The following AHNAK variants were observed in gnomAD, a reference collection of about 807,000 sequenced individuals.
The protein encoded by AHNAK is AHNAK nucleoprotein, also known as neuroblast differentiation-associated protein AHNAK.
Under a neutral mutation model 37.8 loss-of-function variants are expected in AHNAK, and 23 were observed. The observed-to-expected ratio is 0.61, with a 90% CI of 0.44 to 0.86. The LOEUF (loss-of-function observed/expected upper bound fraction) is 0.86. Among genes scored for constraint, AHNAK ranks in the 40% least tolerant of loss-of-function variants. The probability of loss-of-function intolerance (pLI) is 0.00; values close to 1 mark genes in which losing one functional copy is unlikely to be tolerated. For missense variants in AHNAK, 7,411 were observed against 7,319.4 expected (o/e 1.01, Z -0.46); for synonymous variants, 2,481 against 2,636.3 (o/e 0.94, Z 1.80).
Position 62,516,639 on chromosome 11 carries a change from G to C in AHNAK, c.*105C>G. 1 of 1,503,052 alleles carries C rather than the reference G, an allele frequency of 6.7e-7. No individual in the cohort carries two copies. Among genetic ancestry groups the C allele is most frequent in the Non-Finnish European group, 8.8e-7 (1 of 1,135,868 alleles). 93.1% of individuals were successfully genotyped at this position (1,503,052 alleles called of 1,614,324 possible). ...GGCCAGGCAAGGTCTTTGCATGATT[G>C]CTGAGGCAGTCGGTGTGTTTCCCTT... is the stretch of plus-strand genomic sequence containing the variant. On this transcript the variant is annotated 3_prime_UTR_variant, in exon 5 of 5. Transcript: ENST00000378024.
In AHNAK at chr11:62,518,975, C is replaced by A; in HGVS notation, c.15442G>T (p.Val5148Leu). 6.2e-7 allele frequency: 1 copy of A among 1,614,184 alleles called. No individual in the cohort carries two copies. Among genetic ancestry groups the A allele is most frequent in the East Asian group, 2.2e-5 (1 of 44,884 alleles). The change falls in exon 5 of 5, where the codon GTG (valine) becomes TTG (leucine). Residue 5148 changes from valine (V) to leucine (L), a missense_variant. By Grantham distance (32) the Val-to-Leu change is conservative. Coordinates refer to ENST00000378024, the MANE Select transcript of AHNAK (RefSeq NM_001620.3). Reference protein sequence around the residue: ...AKAPKVKMPDVDISVPKIEGD... With the variant: ...AKAPKVKMPDLDISVPKIEGD... ...TCTATTTTTGGCACTGAGATGTCCA[C>A]ATCTGGCATCTTGACCTTGGGAGCC...
At position 62,521,848 on chromosome 11, in the gene AHNAK, T is replaced by C; in HGVS notation, c.12569A>G (p.Lys4190Arg). The change falls in exon 5 of 5, where the codon AAA becomes AGA. Residue 4190 changes from lysine to arginine, a missense_variant. Transcript: ENST00000378024. Reference protein sequence around the residue: ...QGPDWHLKMPKVKMPKFSMPG... With the variant: ...QGPDWHLKMPRVKMPKFSMPG... ...CATGCTGAACTTGGGCATTTTCACT[T>C]TGGGCATTTTTAAGTGCCAGTCTGG... is the stretch of plus-strand genomic sequence containing the variant. 1 of 1,612,630 alleles carries C rather than the reference T, an allele frequency of 6.2e-7. No homozygotes were observed. Among genetic ancestry groups the C allele is most frequent in the Non-Finnish European group, 8.5e-7 (1 of 1,179,752 alleles).
In AHNAK at chr11:62,527,709, G is replaced by T. The variant is rs1470338102; in HGVS notation, c.6708C>A (p.Gly2236=). 2 of 1,613,866 alleles carry T rather than the reference G, an allele frequency of 1.2e-6. No individual in the cohort carries two copies. The highest frequency in any genetic ancestry group is 1.7e-6 in the Non-Finnish European group (2 of 1,180,018). The change falls in exon 5 of 5, where the codon GGC becomes GGA. Residue 2236 remains glycine (G), a synonymous_variant. Coordinates refer to ENST00000378024, the MANE Select transcript of AHNAK (RefSeq NM_001620.3). ...TAGGCATCTTCAGGTGCCAGTCTGGGCCATGAACATCCACATCTGGGGCAT... is the reference window on the plus strand; with the variant it reads ...TAGGCATCTTCAGGTGCCAGTCTGGTCCATGAACATCCACATCTGGGGCAT... ...DIDAPDVDVH[G]PDWHLKMPKM...
chr11:62,433,931 A>G (rs780802744), intron 5 of AHNAK: 6 of 1,604,884 alleles, frequency 3.7e-6, no homozygotes, highest in Middle Eastern at 1.7e-4. Context: ...TCAACACACT[A>G]TTTGCATCTC....
chr11:62,462,594 G>A (rs976099022), intron 5 of AHNAK, among the ~76,000 whole-genome samples: 2 of 152,150 alleles, frequency 1.3e-5, no homozygotes, highest in African/African-American at 2.4e-5. Context: ...GTTGATAAAC[G>A]GTAGATAGAT....
Position 62,529,436 on chromosome 11 carries a change from G to C in AHNAK, c.4981C>G (p.His1661Asp), listed in dbSNP as rs1351668760. The C allele has an allele frequency of 2.5e-6, 4 of 1,613,336 alleles. No individual in the cohort carries two copies. The highest frequency in any genetic ancestry group is 2.7e-5 in the African/African-American group (2 of 74,768). The change falls in exon 5 of 5, where the codon CAC (histidine) becomes GAC (aspartate). Residue 1661 changes from histidine to aspartate, a missense_variant. By Grantham distance (81) the His-to-Asp change is moderately conservative. Transcript: ENST00000378024. ...CCTTTGACTTTGGGGCCTTTCAAGT[G>C]TAAGTCCACATCGGGCATGGAGATC... is the stretch of plus-strand genomic sequence containing the variant. ...PKISMPDVDLHLKGPKVKGDM... is the reference protein window; with the variant it reads ...PKISMPDVDLDLKGPKVKGDM...
At position 62,534,987 on chromosome 11, in the gene AHNAK, C is replaced by G. The variant is rs1385948393; in HGVS notation, c.342+16G>C. ...CGGGGGAGCTCAGGGCACAGATGGGCCGGCGAGGTACTCACCAGAACCACT... is the reference window on the plus strand; with the variant it reads ...CGGGGGAGCTCAGGGCACAGATGGGGCGGCGAGGTACTCACCAGAACCACT... On this transcript the variant is annotated intron_variant, in intron 4 of 4. Coordinates refer to ENST00000378024, the MANE Select transcript of AHNAK (RefSeq NM_001620.3). 3.1e-6 allele frequency: 5 copies of G among 1,593,360 alleles called. No homozygotes were observed. The highest frequency in any genetic ancestry group is 1.7e-5 in the Admixed American group (1 of 59,578).
chr11:62,480,632 G>T (rs931505174), intron 5 of AHNAK, among the ~76,000 whole-genome samples: 10 of 151,420 alleles, frequency 6.6e-5, no homozygotes, highest in Non-Finnish European at 1.5e-4. Context: ...TTGCACTCCA[G>T]CCTGGGTGAC....
rs1940764839 is a variant in AHNAK at position 62,531,893 on chromosome 11, T to C, written c.2524A>G (p.Lys842Glu). The C allele has an allele frequency of 6.2e-7, 1 of 1,612,526 alleles. No individual in the cohort carries two copies. The highest frequency in any genetic ancestry group is 1.7e-5 in the Admixed American group (1 of 59,786). ...GGAACTTTAATCTCACTTTCAACCT[T>C]TGGCATTGTGACATCATATTCTCCC... is the stretch of plus-strand genomic sequence containing the variant. Reference protein sequence around the residue: ...VKGEYDVTMPKVESEIKVPDV... With the variant: ...VKGEYDVTMPEVESEIKVPDV... The change falls in exon 5 of 5, where the codon AAG becomes GAG. Residue 842 changes from lysine to glutamate, a missense_variant. Lys to Glu is a moderately conservative substitution (Grantham distance 56). Coordinates refer to ENST00000378024, the MANE Select transcript of AHNAK (RefSeq NM_001620.3).
At chr11:62,536,815 C>T (rs1275619461) in intron 1 of AHNAK, among the ~76,000 whole-genome samples, 1 of 152,158 alleles carries the variant, frequency 6.6e-6, no homozygotes, top group Non-Finnish European at 1.5e-5. Flanking sequence ...GGCCAAGACA[C>T]TTCAGTTTTC....
Position 62,516,994 on chromosome 11 carries a change from A to C in AHNAK, c.17423T>G (p.Leu5808Arg). The change falls in exon 5 of 5, where the codon CTG (leucine) becomes CGG (arginine). Residue 5808 changes from leucine to arginine, a missense_variant. Coordinates refer to ENST00000378024, the MANE Select transcript of AHNAK (RefSeq NM_001620.3). ...TLEFEGGEVS[L>R]EGGKVKGKHG... ...TTTCCCTTTAACTTTCCCACCTTCCAGAGACACTTCCCCACCTTCAAACTC... is the reference window on the plus strand; with the variant it reads ...TTTCCCTTTAACTTTCCCACCTTCCCGAGACACTTCCCCACCTTCAAACTC... 1 of 1,614,210 alleles carries C rather than the reference A, an allele frequency of 6.2e-7. No homozygotes were observed. Among genetic ancestry groups the C allele is most frequent in the South Asian group, 1.1e-5 (1 of 91,084 alleles).
chr11:62,434,899 C>T (rs1938124925), intron 5 of AHNAK, among the ~76,000 whole-genome samples: 1 of 136,998 alleles, frequency 7.3e-6, no homozygotes. Flanking sequence ...TGTCACTGCA[C>T]TTCAGCCTGG....
At chr11:62,466,469 AT>A (rs67385747) in intron 5 of AHNAK, among the ~76,000 whole-genome samples, 4,950 of 135,682 alleles carry the variant, frequency 0.036, 104 homozygotes, top group Non-Finnish European at 0.043. Context: ...TAAAGTTTTG[AT>A]TTTTTTTTTT....
Position 62,529,633 on chromosome 11 carries a change from G to A in AHNAK, c.4784C>T (p.Thr1595Ile), listed in dbSNP as rs1415704906. 6.2e-7 allele frequency: 1 copy of A among 1,614,146 alleles called. No individual in the cohort carries two copies. Among genetic ancestry groups the A allele is most frequent in the Admixed American group, 1.7e-5 (1 of 60,008 alleles). ...TTTGGGAAGGGAAACATCTACATCA[G>A]TTTTCAGTTTAGGGGCTTTCAAATT... ...GLNLKAPKLK[T>I]DVDVSLPKVE... The change falls in exon 5 of 5, where the codon ACT (threonine) becomes ATT (isoleucine). Residue 1595 changes from threonine to isoleucine, a missense_variant. Physicochemically the swap from Thr to Ile is moderately conservative, Grantham distance 89 (BLOSUM62 -1). Transcript: ENST00000378024.
chr11:62,487,864 C>T (rs1939424262), intron 5 of AHNAK, among the ~76,000 whole-genome samples: 1 of 152,098 alleles, frequency 6.6e-6, no homozygotes, highest in Non-Finnish European at 1.5e-5. Flanking sequence ...ACAGGAAAGG[C>T]TTGTTTCTCA....
chr11:62,524,644 G>T lies in AHNAK; in HGVS notation c.9773C>A (p.Pro3258Gln). 6.2e-7 allele frequency: 1 copy of T among 1,614,142 alleles called. No homozygotes were observed. The highest frequency in any genetic ancestry group is 1.1e-5 in the South Asian group (1 of 91,076). The change falls in exon 5 of 5, where the codon CCA becomes CAA. Residue 3258 changes from proline to glutamine, a missense_variant. Physicochemically the swap from Pro to Gln is moderately conservative, Grantham distance 76. Coordinates refer to ENST00000378024, the MANE Select transcript of AHNAK (RefSeq NM_001620.3). ...ATCTGGAGCATCTACATCTATCTTT[G>T]GGCCTTTTATGTCAAGAGCAGGTCC... Reference protein sequence around the residue: ...LKGPALDIKGPKIDVDAPDID... With the variant: ...LKGPALDIKGQKIDVDAPDID...
At chr11:62,442,609 G>A (rs11607566) in intron 5 of AHNAK, among the ~76,000 whole-genome samples, 19,570 of 151,834 alleles carry the variant, frequency 0.13, 1,571 homozygotes, top group Middle Eastern at 0.2. Flanking sequence ...AGTGGCTCAC[G>A]CGTGTAATCC....
Position 62,517,319 on chromosome 11 carries a change from A to G in AHNAK, c.17098T>C (p.Trp5700Arg), listed in dbSNP as rs1411805747. ...SIQAGAGDGE[W>R]EESEVKLKKS... ...TTCAGTTTGACTTCAGACTCTTCCCACTCGCCGTCTCCAGCACCAGCTTGG... is the reference window on the plus strand; with the variant it reads ...TTCAGTTTGACTTCAGACTCTTCCCGCTCGCCGTCTCCAGCACCAGCTTGG... Residue 5700 changes from tryptophan (W) to arginine (R), a missense_variant, in exon 5 of 5, where the codon TGG becomes CGG. Physicochemically the swap from Trp to Arg is moderately radical, Grantham distance 101. Coordinates refer to ENST00000378024, the MANE Select transcript of AHNAK (RefSeq NM_001620.3). 1 of 1,613,592 alleles carries G rather than the reference A, an allele frequency of 6.2e-7. No individual in the cohort carries two copies. Among genetic ancestry groups the G allele is most frequent in the Non-Finnish European group, 8.5e-7 (1 of 1,179,952 alleles).
In AHNAK at chr11:62,519,521, C is replaced by A; in HGVS notation, c.14896G>T (p.Glu4966Ter). The change falls in exon 5 of 5, where the codon GAA becomes TAA. Residue 4966 changes from glutamate (E) to a stop codon, truncating the protein, a stop_gained. Coordinates refer to ENST00000378024, the MANE Select transcript of AHNAK (RefSeq NM_001620.3). LOFTEE classifies it low-confidence loss of function (END_TRUNC). The part of the protein sequence containing the change: ...VHMDSPDINI[E>*]GPDVKIPKFK... ...TTGGGGATTTTAACATCTGGCCCTTCGATGTTAATATCTGGGCTGTCCATG... is the reference window on the plus strand; with the variant it reads ...TTGGGGATTTTAACATCTGGCCCTTAGATGTTAATATCTGGGCTGTCCATG... 1.2e-6 allele frequency: 2 copies of A among 1,612,852 alleles called. No homozygotes were observed. The highest frequency in any genetic ancestry group is 1.7e-4 in the Middle Eastern group (1 of 6,056).
Sources: allele counts gnomAD v4.1 joint callset (sites outside exome capture counted in the v4.1 genomes callset), GRCh38; gene constraint gnomAD v4.1.1; transcripts MANE v1.5; gene names NCBI Gene and HGNC (gene_info 2026-07-23, HGNC 2026-07-21).